Variants in KLHL1 observed in about 807,000 individuals in gnomAD.
KLHL1 encodes the protein kelch like family member 1.
Under a neutral mutation model 77.7 loss-of-function variants are expected in KLHL1, and 47 were observed. That is an observed-to-expected ratio of 0.60 (90% confidence interval 0.48 to 0.77). The LOEUF (loss-of-function observed/expected upper bound fraction) is 0.77. Among genes scored for constraint, KLHL1 ranks in the 30% least tolerant of loss-of-function variants. KLHL1 has a pLI of 0.00. For missense variants in KLHL1, 925 were observed against 910.8 expected (o/e 1.02, Z -0.20); for synonymous variants, 360 against 325.2 (o/e 1.11, Z -1.15).
chr13:70,097,601 T>C (rs1887823943), intron 1 of KLHL1, among the ~76,000 whole-genome samples: 1 of 152,000 alleles, frequency 6.6e-6, no homozygotes, highest in African/African-American at 2.4e-5. Flanking sequence ...AATCTATACT[T>C]TCTTGAGTTT....
At chr13:69,943,855 TA>T (rs1443024219) in intron 3 of KLHL1, among the ~76,000 whole-genome samples, 2 of 152,200 alleles carry the variant, frequency 1.3e-5, no homozygotes, top group Admixed American at 6.6e-5. Context: ...GCATGCTTCT[TA>T]GCATAGATCT....
chr13:69,982,315 A>G (rs1418386141), intron 1 of KLHL1, among the ~76,000 whole-genome samples: 1 of 151,646 alleles, frequency 6.6e-6, no homozygotes, highest in African/African-American at 2.4e-5. Context: ...GTGCATCTGT[A>G]GTCCCAGCTG....
At chr13:70,065,185 T>TAGAA (rs1185739132) in intron 1 of KLHL1, among the ~76,000 whole-genome samples, 1 of 152,120 alleles carries the variant, frequency 6.6e-6, no homozygotes, top group Non-Finnish European at 1.5e-5. Flanking sequence ...TTTGTGACTG[T>TAGAA]AGAAAAAAAT....
intron 7 of KLHL1, among the ~76,000 whole-genome samples, chr13:69,781,123 G>GTGTT (rs1555267755): frequency 1.3e-5 from 2 of 152,014 alleles, no homozygotes; most frequent in Admixed American, 6.6e-5. Flanking sequence ...GAGACAGTCT[G>GTGTT]TGTTTGCTTT....
chr13:69,717,886 T>TA (rs995643091), intron 9 of KLHL1, among the ~76,000 whole-genome samples: 3 of 152,114 alleles, frequency 2.0e-5, no homozygotes, highest in African/African-American at 7.2e-5. Flanking sequence ...TAGAAAATCT[T>TA]AAAGTGAAAA....
intron 4 of KLHL1, among the ~76,000 whole-genome samples, chr13:69,913,482 G>C (rs1457685320): frequency 6.6e-6 from 1 of 152,216 alleles, no homozygotes; most frequent in Non-Finnish European, 1.5e-5. Flanking sequence ...GCGATGGGGA[G>C]ACAATTGAAA....
chr13:70,074,859 T>C (rs1394230655), intron 1 of KLHL1, among the ~76,000 whole-genome samples: 1 of 152,050 alleles, frequency 6.6e-6, no homozygotes, highest in Non-Finnish European at 1.5e-5. Context: ...AGCATGATTG[T>C]GTAGATAAAA....
At chr13:69,790,324 C>G (rs1890045) in intron 7 of KLHL1, among the ~76,000 whole-genome samples, 53,544 of 152,016 alleles carry the variant, frequency 0.35, 9,736 homozygotes, top group African/African-American at 0.43. Context: ...ATGAAATCTA[C>G]AGAACAGTGA....
chr13:69,705,036 A>G (rs1173411850), intron 10 of KLHL1, among the ~76,000 whole-genome samples: 1 of 151,732 alleles, frequency 6.6e-6, no homozygotes, highest in East Asian at 1.9e-4. Context: ...CAGAAACTAT[A>G]CTAGTCTTTA....
intron 1 of KLHL1, among the ~76,000 whole-genome samples, chr13:70,093,268 A>G (rs1887711380): frequency 6.6e-6 from 1 of 152,134 alleles, no homozygotes; most frequent in South Asian, 2.1e-4. Flanking sequence ...ACCCATCATC[A>G]TAGTGGAGTG....
At chr13:69,710,497 C>T (rs1875824437) in intron 9 of KLHL1, among the ~76,000 whole-genome samples, 1 of 151,872 alleles carries the variant, frequency 6.6e-6, no homozygotes, top group Admixed American at 6.6e-5. Context: ...TCTGAGTGAC[C>T]TGACATAGAC....
intron 6 of KLHL1, among the ~76,000 whole-genome samples, chr13:69,801,321 T>C (rs1877369784): frequency 6.6e-6 from 1 of 152,162 alleles, no homozygotes; most frequent in African/African-American, 2.4e-5. Flanking sequence ...ATTTTTAAAA[T>C]GTGCAATCTC....
intron 5 of KLHL1, among the ~76,000 whole-genome samples, chr13:69,868,784 C>T (rs1199950466): frequency 6.6e-6 from 1 of 151,902 alleles, no homozygotes; most frequent in African/African-American, 2.4e-5. Flanking sequence ...TTTGGATTTT[C>T]AAATTTGATT....
At chr13:69,900,702 T>C (rs1247285180) in intron 4 of KLHL1, among the ~76,000 whole-genome samples, 1 of 152,200 alleles carries the variant, frequency 6.6e-6, no homozygotes, top group African/African-American at 2.4e-5. Flanking sequence ...GGAAACACTT[T>C]GATCTTTGAG....
intron 6 of KLHL1, among the ~76,000 whole-genome samples, chr13:69,820,240 T>C (rs1053778891): frequency 6.6e-6 from 1 of 152,222 alleles, no homozygotes; most frequent in African/African-American, 2.4e-5. Context: ...CAGTCACTTA[T>C]GGTTTAGTTA....
At chr13:69,894,779 G>A (rs1175769054) in intron 4 of KLHL1, 7 of 233,858 alleles carry the variant, frequency 3.0e-5, no homozygotes, top group Admixed American at 1.0e-4. Flanking sequence ...ATGTGTGAGA[G>A]GAAGCTCCAC....
chr13:69,844,262 GAA>G (rs1879373570), intron 5 of KLHL1, among the ~76,000 whole-genome samples: 1 of 150,740 alleles, frequency 6.6e-6, no homozygotes, highest in Non-Finnish European at 1.5e-5. Context: ...AAATAAATAA[GAA>G]TAAAATAAAA....
chr13:69,969,412 A>G (rs530488314), intron 2 of KLHL1, among the ~76,000 whole-genome samples: 4 of 152,216 alleles, frequency 2.6e-5, no homozygotes, highest in African/African-American at 9.6e-5. Flanking sequence ...TTACATACCA[A>G]TTAGATAAAT....
intron 5 of KLHL1, among the ~76,000 whole-genome samples, chr13:69,845,498 A>G (rs893176766): frequency 4.6e-5 from 7 of 151,612 alleles, no homozygotes; most frequent in African/African-American, 1.5e-4. Flanking sequence ...AAAGTTAGCT[A>G]GTTTTTGGTA....
Sources: gnomAD v4.1 joint callset for allele counts (sites outside exome capture counted in the v4.1 genomes callset) on GRCh38, gnomAD v4.1.1 for gene constraint, MANE v1.5 for transcripts, NCBI Gene and HGNC (gene_info 2026-07-23, HGNC 2026-07-21) for gene names.